KIF6: variants seen among roughly 807,000 people sequenced by gnomAD.
KIF6 encodes the protein kinesin-like protein KIF6.
A neutral mutation model predicts 112.7 loss-of-function variants in KIF6; 106 were observed. The observed-to-expected ratio is 0.94, with a 90% CI of 0.80 to 1.11. KIF6 has a LOEUF of 1.11. Among genes scored for constraint, KIF6 ranks in the 50% least tolerant of loss-of-function variants. The pLI is 0.00. For synonymous variants in KIF6, 339 were observed against 339.9 expected, an observed-to-expected ratio of 1.00 and a Z score of 0.03; for missense variants, 929 against 964.0, an observed-to-expected ratio of 0.96 and a Z score of 0.48.
intron 15 of KIF6, among the ~76,000 whole-genome samples, chr6:39,404,595 T>C (rs906830626): frequency 6.6e-6 from 1 of 152,294 alleles, no homozygotes; most frequent in African/African-American, 2.4e-5. Flanking sequence ...CTTAAAATTG[T>C]GTGGTGTGAC....
intron 5 of KIF6, among the ~76,000 whole-genome samples, chr6:39,624,765 T>C (rs1270401023): frequency 6.6e-6 from 1 of 152,194 alleles, no homozygotes; most frequent in African/African-American, 2.4e-5. Context: ...ATCACAGATA[T>C]ATTTCTATAT....
At chr6:39,462,367 A>G (rs959456726) in intron 13 of KIF6, among the ~76,000 whole-genome samples, 1 of 152,220 alleles carries the variant, frequency 6.6e-6, no homozygotes, top group African/African-American at 2.4e-5. Context: ...ATGAAGATGC[A>G]AAGTTAGTAC....
chr6:39,522,120 C>A (rs1777433113), intron 13 of KIF6, among the ~76,000 whole-genome samples: 1 of 152,200 alleles, frequency 6.6e-6, no homozygotes. Context: ...TGACATCTCA[C>A]TTTCCCCTTA....
rs140887118 is a variant in KIF6, at chr6:39,707,315, G to A, written c.251+7377C>T. ...CGGGTTTTTCCATGGTATCTGGACGGAGTAAGGCAACTAGTATCTACAAGT... is the reference window on the plus strand; with the variant it reads ...CGGGTTTTTCCATGGTATCTGGACGAAGTAAGGCAACTAGTATCTACAAGT... On this transcript the variant is annotated intron_variant, in intron 3 of 22. Transcript: ENST00000287152. Among the ~76,000 whole-genome samples the A allele has an allele frequency of 3.0e-3, 462 of 152,294 alleles. 1 individual carries two copies. Among genetic ancestry groups the A allele is most frequent in the Non-Finnish European group, 4.5e-3 (307 of 68,030 alleles).
At chr6:39,399,728 A>G (rs567922984) in intron 15 of KIF6, among the ~76,000 whole-genome samples, 2 of 152,374 alleles carry the variant, frequency 1.3e-5, no homozygotes, top group African/African-American at 4.8e-5. Flanking sequence ...GGAAGCCTCC[A>G]TGAATGAGGC....
intron 19 of KIF6, among the ~76,000 whole-genome samples, chr6:39,349,388 G>A (rs568333536): frequency 6.6e-5 from 10 of 152,136 alleles, no homozygotes; most frequent in African/African-American, 2.2e-4. Flanking sequence ...CAAACAAGCA[G>A]TAAAGAGGCA....
At chr6:39,585,250 T>C (rs1282552116) in intron 8 of KIF6, among the ~76,000 whole-genome samples, 1 of 152,230 alleles carries the variant, frequency 6.6e-6, no homozygotes, top group Non-Finnish European at 1.5e-5. Flanking sequence ...AGGATGAAAC[T>C]GTTCCAACTC....
intron 13 of KIF6, among the ~76,000 whole-genome samples, chr6:39,520,558 T>G (rs1777335206): frequency 6.6e-6 from 1 of 152,218 alleles, no homozygotes; most frequent in Non-Finnish European, 1.5e-5. Context: ...GAAGCACAGC[T>G]TCAGCCAGTG....
intron 15 of KIF6, among the ~76,000 whole-genome samples, chr6:39,419,459 C>T (rs746702767): frequency 3.3e-5 from 5 of 152,026 alleles, no homozygotes; most frequent in Admixed American, 6.6e-5. Flanking sequence ...GGGAGCCCTC[C>T]GTGGCAGCCT....
chr6:39,637,160 T>C (rs1784661557), intron 4 of KIF6, among the ~76,000 whole-genome samples: 1 of 152,082 alleles, frequency 6.6e-6, no homozygotes, highest in Admixed American at 6.6e-5. Flanking sequence ...TGTATGTTTA[T>C]CTGCAGTGGA....
intron 10 of KIF6, among the ~76,000 whole-genome samples, chr6:39,571,581 G>A (rs1780641235): frequency 6.6e-6 from 1 of 152,138 alleles, no homozygotes; most frequent in East Asian, 1.9e-4. Context: ...CTAAAACAGT[G>A]CCTAGCACAA....
intron 8 of KIF6, among the ~76,000 whole-genome samples, 165 bp from the exon 9 acceptor site, chr6:39,585,149 GA>G (rs1274735535): frequency 6.6e-6 from 1 of 152,188 alleles, no homozygotes; most frequent in African/African-American, 2.4e-5. Context: ...CTTTGCTCTA[GA>G]ACAACAGTCC....
intron 3 of KIF6, among the ~76,000 whole-genome samples, chr6:39,702,614 C>T (rs1464469454): frequency 6.6e-6 from 1 of 152,166 alleles, no homozygotes; most frequent in Non-Finnish European, 1.5e-5. Context: ...TTTCTCCAGG[C>T]TGGTCTTGAA....
At chr6:39,640,935 C>A (rs149948603) in intron 3 of KIF6, among the ~76,000 whole-genome samples, 38 of 152,186 alleles carry the variant, frequency 2.5e-4, no homozygotes, top group Middle Eastern at 3.4e-3. Flanking sequence ...ACAGGGAATG[C>A]GCAAGAAAGT....
At chr6:39,608,897 T>A (rs182268108) in intron 6 of KIF6, among the ~76,000 whole-genome samples, 2 of 152,324 alleles carry the variant, frequency 1.3e-5, no homozygotes, top group Admixed American at 6.5e-5. Flanking sequence ...AGTTGCCAGG[T>A]GCTGAGAGAA....
At chr6:39,556,102 G>A (rs1413416132) in intron 10 of KIF6, among the ~76,000 whole-genome samples, 2 of 152,130 alleles carry the variant, frequency 1.3e-5, no homozygotes, top group Admixed American at 6.5e-5. Context: ...AAAAACAAGA[G>A]AGAAGAAAAT....
At chr6:39,545,460 G>T (rs923467238) in intron 11 of KIF6, 123 bp downstream of exon 11, 4 of 624,402 alleles carry the variant, frequency 6.4e-6, no homozygotes, top group Non-Finnish European at 1.2e-5. Context: ...TTCAAAGATC[G>T]TACCATTTTC....
chr6:39,460,850 T>A (rs1235259055), intron 13 of KIF6, among the ~76,000 whole-genome samples: 1 of 152,140 alleles, frequency 6.6e-6, no homozygotes, highest in Admixed American at 6.5e-5. Context: ...AGTGTCCAAA[T>A]GCGGTTTGTC....
chr6:39,529,074 C>G (rs186507039), intron 13 of KIF6, among the ~76,000 whole-genome samples: 44 of 152,276 alleles, frequency 2.9e-4, no homozygotes, highest in Non-Finnish European at 4.4e-4. Flanking sequence ...AAAAGAGACT[C>G]TTCAATAAGT....
Sources: gnomAD v4.1 joint callset for allele counts (sites outside exome capture counted in the v4.1 genomes callset) on GRCh38, gnomAD v4.1.1 for gene constraint, MANE v1.5 for transcripts, NCBI Gene and HGNC (gene_info 2026-07-23, HGNC 2026-07-21) for gene names.